Variants in ZNF791 observed in about 807,000 individuals in gnomAD.
ZNF791 encodes the protein zinc finger protein 791.
In ZNF791, 4 loss-of-function variants were observed where a neutral mutation model predicts 11.5. The observed-to-expected ratio is 0.35, with a 90% confidence interval of 0.17 to 0.80. The LOEUF is 0.80. Among genes scored for constraint, ZNF791 ranks in the 30% least tolerant of loss-of-function variants. ZNF791 has a pLI of 0.53. For missense variants in ZNF791, 559 were observed against 699.4 expected (o/e 0.80, Z 2.26); for synonymous variants, 212 against 228.1 (o/e 0.93, Z 0.64).
At chr19:12,618,292 A>C (rs1297206630) in intron 1 of ZNF791, among the ~76,000 whole-genome samples, 1 of 152,064 alleles carries the variant, frequency 6.6e-6, no homozygotes, top group South Asian at 2.1e-4. Context: ...GTATTAATGG[A>C]ATTACACTTA....
intron 1 of ZNF791, among the ~76,000 whole-genome samples, chr19:12,619,077 C>A (rs2023292465): frequency 6.6e-6 from 1 of 151,930 alleles, no homozygotes; most frequent in Non-Finnish European, 1.5e-5. Context: ...CAGTCTCGAC[C>A]TCGTGATCCA....
intron 1 of ZNF791, among the ~76,000 whole-genome samples, chr19:12,622,110 A>G (rs1186370343): frequency 8.1e-6 from 1 of 123,652 alleles, no homozygotes; most frequent in African/African-American, 3.0e-5. Context: ...AAATGGATTA[A>G]GGGCGGTGCA....
rs752401192 is a variant in ZNF791 at position 12,628,811 on chromosome 19, C to G, written c.1282C>G (p.Arg428Gly). The change falls in exon 4 of 4, where the codon CGA (arginine) becomes GGA (glycine). Residue 428 changes from arginine to glycine, a missense_variant. Transcript: ENST00000343325. ...AACCTTCATTTCTCTTGAGAACTTT[C>G]GAAGACACATGATCACCCACACTGG... ...AKTFISLENF[R>G]RHMITHTGDG... 4.3e-6 allele frequency: 7 copies of G among 1,614,048 alleles called. No homozygotes were observed. Among genetic ancestry groups the G allele is most frequent in the Non-Finnish European group, 5.9e-6 (7 of 1,180,014 alleles).
intron 1 of ZNF791, chr19:12,612,405 C>T (rs375304369): frequency 8.0e-6 from 1 of 124,382 alleles, no homozygotes; most frequent in East Asian, 2.0e-4. Context: ...TTTCTTGCTT[C>T]CTTCCTTTAT....
At chr19:12,624,742 C>T in intron 3 of ZNF791, 32 bp downstream of exon 3, 1 of 1,550,236 alleles carries the variant, frequency 6.5e-7, no homozygotes, top group Non-Finnish European at 8.8e-7. Flanking sequence ...TAACAGTGTT[C>T]CTTGAAAGAA....
rs550239715 is a variant in ZNF791, at chr19:12,627,860, C to T, written c.331C>T (p.Arg111Cys). The change falls in exon 4 of 4, where the codon CGT becomes TGT. Residue 111 changes from arginine (R) to cysteine (C), a missense_variant. Arg to Cys is a radical substitution (Grantham distance 180). Transcript: ENST00000343325. ...TACTATCTGTGGAAAAGCCTTCATGCGTCTCTCATCCCTTACTAGACACAT... is the reference window on the plus strand; with the variant it reads ...TACTATCTGTGGAAAAGCCTTCATGTGTCTCTCATCCCTTACTAGACACAT... ...ECTICGKAFM[R>C]LSSLTRHMRS... 5.1e-5 allele frequency: 82 copies of T among 1,614,126 alleles called. No individual in the cohort carries two copies. In the South Asian group the frequency reaches 6.3e-4, roughly 12 times the overall value.
intron 1 of ZNF791, among the ~76,000 whole-genome samples, chr19:12,617,444 A>AT (rs1282762405): frequency 2.0e-5 from 3 of 151,922 alleles, no homozygotes; most frequent in Non-Finnish European, 4.4e-5. Context: ...TTTTCTTGAG[A>AT]TTTTTTTGAT....
intron 1 of ZNF791, among the ~76,000 whole-genome samples, chr19:12,614,381 G>A (rs1398639946): frequency 6.6e-6 from 1 of 151,758 alleles, no homozygotes; most frequent in East Asian, 1.9e-4. Context: ...TTACAGGTGT[G>A]TGCCACCAGG....
intron 1 of ZNF791, among the ~76,000 whole-genome samples, chr19:12,615,012 CTTTTTTTTTTTTTTTTTT>C (rs1180146927): frequency 2.0e-5 from 1 of 49,854 alleles, no homozygotes; most frequent in Non-Finnish European, 3.5e-5. Context: ...CTATGTTCAA[CTTTTTTTTTTTTTTTTTT>C]TTTTTTTGAG....
chr19:12,618,876 TCTCA>T (rs2023287824), intron 1 of ZNF791, among the ~76,000 whole-genome samples: 1 of 150,914 alleles, frequency 6.6e-6, no homozygotes, highest in African/African-American at 2.4e-5. Flanking sequence ...TGAGATGGAG[TCTCA>T]CTCTGTTGCC....
chr19:12,623,050 A>G (rs12459667), intron 1 of ZNF791, among the ~76,000 whole-genome samples: 84,461 of 151,948 alleles, frequency 0.56, 24,963 homozygotes, highest in Non-Finnish European at 0.67. Flanking sequence ...ACTTGAGCCT[A>G]GGTGACAGAG....
chr19:12,623,807 C>G lies in ZNF791; in HGVS notation c.111C>G (p.Phe37Leu), dbSNP rs1199467503. ...KLYRDVMQET[F>L]KNLASIGEKW... ...ACAGAGATGTGATGCAGGAAACATT[C>G]AAGAACCTGGCATCTATAGGTAAGG... is the stretch of plus-strand genomic sequence containing the variant. Residue 37 changes from phenylalanine (F) to leucine (L), a missense_variant, in exon 2 of 4, where the codon TTC becomes TTG. Phe to Leu is a conservative substitution (Grantham distance 22). Coordinates refer to ENST00000343325, the MANE Select transcript of ZNF791 (RefSeq NM_153358.3). 1.2e-5 allele frequency: 19 copies of G among 1,572,346 alleles called. No individual in the cohort carries two copies. The highest frequency in any genetic ancestry group is 1.6e-5 in the Non-Finnish European group (19 of 1,157,074).
Position 12,628,799 on chromosome 19 carries a change from C to G in ZNF791, c.1270C>G (p.Leu424Val), listed in dbSNP as rs751427756. ...GGAATGTGCAAAAACCTTCATTTCT[C>G]TTGAGAACTTTCGAAGACACATGAT... ...CKECAKTFISLENFRRHMITH... is the reference protein window; with the variant it reads ...CKECAKTFISVENFRRHMITH... The change falls in exon 4 of 4, where the codon CTT becomes GTT. Residue 424 changes from leucine to valine, a missense_variant. By Grantham distance (32) the Leu-to-Val change is conservative (BLOSUM62 1). Coordinates refer to ENST00000343325, the MANE Select transcript of ZNF791 (RefSeq NM_153358.3). The G allele has an allele frequency of 1.2e-6, 2 of 1,614,098 alleles. No homozygotes were observed. Among genetic ancestry groups the G allele is most frequent in the Non-Finnish European group, 1.7e-6 (2 of 1,180,026 alleles).
intron 1 of ZNF791, among the ~76,000 whole-genome samples, chr19:12,622,407 CAAACAAA>C (rs1568288588): frequency 7.1e-5 from 2 of 28,032 alleles, no homozygotes; most frequent in African/African-American, 2.7e-4. Context: ...AAGACTGTCT[CAAACAAA>C]AAAAAAAAAA....
intron 1 of ZNF791, 136 bp from the exon 2 acceptor site, chr19:12,623,564 C>A: frequency 9.2e-7 from 1 of 1,089,990 alleles, no homozygotes; most frequent in South Asian, 1.4e-5. Context: ...GTTCAATGTG[C>A]TGTTACATTT....
intron 1 of ZNF791, among the ~76,000 whole-genome samples, chr19:12,620,048 C>T (rs1471846337): frequency 1.3e-5 from 2 of 151,938 alleles, no homozygotes; most frequent in African/African-American, 4.8e-5. Context: ...CTCAGCCTCC[C>T]GAGTAGCTGG....
In ZNF791 at chr19:12,632,391, C is replaced by T. The variant is rs1333406778; in HGVS notation, c.*3131C>T. ...ATAAAGAGATTGTTGAATACTGACACACTGTAACTAGGATTTTTCCTACTG... is the reference window on the plus strand; with the variant it reads ...ATAAAGAGATTGTTGAATACTGACATACTGTAACTAGGATTTTTCCTACTG... On this transcript the variant is annotated 3_prime_UTR_variant, in exon 4 of 4. Transcript: ENST00000343325. 6.6e-6 allele frequency: 1 copy of T among 151,988 alleles called. No homozygotes were observed. The allele number at this position is 151,988 out of a possible 1,614,324, so 9.4% of individuals were successfully genotyped here.
rs775534687 is a variant in ZNF791 at position 12,629,037 on chromosome 19, A to G, written c.1508A>G (p.Lys503Arg). The G allele has an allele frequency of 6.2e-7, 1 of 1,612,926 alleles. No homozygotes were observed. Among genetic ancestry groups the G allele is most frequent in the Non-Finnish European group, 8.5e-7 (1 of 1,179,640 alleles). ...CCTTATGAATGTAAGGAATGCGGGA[A>G]GGCCTTTATTTATCCCACAAGCTTT... is the stretch of plus-strand genomic sequence containing the variant. ...EKPYECKECG[K>R]AFIYPTSFQG... Residue 503 changes from lysine to arginine, a missense_variant, in exon 4 of 4, where the codon AAG becomes AGG. Lys to Arg is a conservative substitution (Grantham distance 26). Coordinates refer to ENST00000343325, the MANE Select transcript of ZNF791 (RefSeq NM_153358.3).
At chr19:12,613,127 T>G in intron 1 of ZNF791, among the ~76,000 whole-genome samples, 1 of 152,020 alleles carries the variant, frequency 6.6e-6, no homozygotes, top group East Asian at 2.0e-4. Context: ...CCGGCTAATT[T>G]TTTTGTATTT....
Sources: allele counts gnomAD v4.1 joint callset (sites outside exome capture counted in the v4.1 genomes callset), GRCh38; gene constraint gnomAD v4.1.1; transcripts MANE v1.5; gene names NCBI Gene and HGNC (gene_info 2026-07-23, HGNC 2026-07-21).